RNF115: variants seen among roughly 807,000 people sequenced by gnomAD.
The protein encoded by RNF115 is E3 ubiquitin-protein ligase RNF115.
Under a neutral mutation model 39.2 loss-of-function variants are expected in RNF115, and 31 were observed. The observed-to-expected ratio is 0.79, with a 90% CI of 0.59 to 1.07. The LOEUF (loss-of-function observed/expected upper bound fraction) is 1.07. Ranked by LOEUF, RNF115 falls within the 50% of genes least tolerant of loss-of-function variation. The pLI is 0.00. For synonymous variants in RNF115, 124 were observed against 131.0 expected, an observed-to-expected ratio of 0.95 and a Z score of 0.37; for missense variants, 384 against 381.7, an observed-to-expected ratio of 1.01 and a Z score of -0.05.
intron 4 of RNF115, among the ~76,000 whole-genome samples, chr1:145,763,590 T>C (rs1423906879): frequency 1.3e-5 from 2 of 152,192 alleles, no homozygotes; most frequent in East Asian, 3.9e-4. Flanking sequence ...TCCCAGCTAC[T>C]TGGGAGGCTG....
At chr1:145,797,829 TA>T (rs1457114964) in intron 1 of RNF115, among the ~76,000 whole-genome samples, 6 of 152,222 alleles carry the variant, frequency 3.9e-5, no homozygotes, top group Admixed American at 3.9e-4. Flanking sequence ...TGTTTTTTAA[TA>T]GTAGCCATCC....
At chr1:145,772,232 G>C in intron 3 of RNF115, 1 of 200,988 alleles carries the variant, frequency 5.0e-6, no homozygotes, top group Non-Finnish European at 1.0e-5. Context: ...TTTAAAAAAA[G>C]TTTTTAACAA....
chr1:145,787,148 AT>A, intron 2 of RNF115: 2 of 578,574 alleles, frequency 3.5e-6, no homozygotes, highest in Admixed American at 2.4e-5. Flanking sequence ...CAGATTACAG[AT>A]TCTTTTTGAC....
chr1:145,740,224 T>C lies in RNF115; in HGVS notation c.*6642A>G, dbSNP rs1305426493. 1.3e-5 allele frequency: 2 copies of C among 152,196 alleles called. No homozygotes were observed. The highest frequency in any genetic ancestry group is 2.1e-4 in the South Asian group (1 of 4,826). The allele number at this position is 152,196 out of a possible 1,614,324, so 9.4% of individuals were successfully genotyped here. A position where few individuals can be genotyped will look rare whatever the true frequency, so the allele number is the denominator to read the frequency against. ...AAGTCTCAGAAGATATATCCAACTA[T>C]AGGAAAAGTTTCAGCCATTGTACTA... On this transcript the variant is annotated 3_prime_UTR_variant, in exon 9 of 9. Transcript: ENST00000582693.
chr1:145,748,118 A>G lies in RNF115; in HGVS notation c.668-8T>C. On this transcript the variant is annotated splice_region_variant and splice_polypyrimidine_tract_variant and intron_variant, in intron 7 of 8. Coordinates refer to ENST00000582693, the MANE Select transcript of RNF115 (RefSeq NM_014455.4). ...GACACTCTAAACCCATATCTGTTGAAGAAGGAAATGCCTTTTAAAGTAAAC... is the reference window on the plus strand; with the variant it reads ...GACACTCTAAACCCATATCTGTTGAGGAAGGAAATGCCTTTTAAAGTAAAC... 6.3e-7 allele frequency: 1 copy of G among 1,586,818 alleles called. No homozygotes were observed. Among genetic ancestry groups the G allele is most frequent in the Non-Finnish European group, 8.7e-7 (1 of 1,155,420 alleles).
intron 1 of RNF115, among the ~76,000 whole-genome samples, chr1:145,805,814 A>T (rs998958400): frequency 6.6e-6 from 1 of 152,142 alleles, no homozygotes; most frequent in African/African-American, 2.4e-5. Context: ...GAAAATGAAG[A>T]CCCTGAAAGG....
At chr1:145,777,925 G>A (rs1348921392) in intron 3 of RNF115, among the ~76,000 whole-genome samples, 3 of 152,004 alleles carry the variant, frequency 2.0e-5, no homozygotes, top group Non-Finnish European at 4.4e-5. Flanking sequence ...AAATATTATG[G>A]TCTGTTCCTC....
chr1:145,811,908 A>AAAT (rs1553722706), intron 1 of RNF115, among the ~76,000 whole-genome samples: 3 of 55,154 alleles, frequency 5.4e-5, no homozygotes, highest in Non-Finnish European at 1.1e-4. Context: ...AAAAAAAAAA[A>AAAT]ATATATATAT....
chr1:145,810,831 T>C (rs1470959096), intron 1 of RNF115, among the ~76,000 whole-genome samples: 1 of 146,458 alleles, frequency 6.8e-6, no homozygotes, highest in East Asian at 2.0e-4. Context: ...ACATTCTACG[T>C]ATAAGCACCA....
intron 1 of RNF115, 147 bp from the exon 2 acceptor site, chr1:145,789,113 T>TC: frequency 1.7e-6 from 1 of 580,670 alleles, no homozygotes; most frequent in Admixed American, 3.0e-5. Flanking sequence ...TTTTTTTTTT[T>TC]CTTTTGTGAG....
Position 145,745,275 on chromosome 1 carries a change from T to A in RNF115, c.*1591A>T, listed in dbSNP as rs1052618395. 2 of 152,148 alleles carry A rather than the reference T, an allele frequency of 1.3e-5. No homozygotes were observed. The highest frequency in any genetic ancestry group is 6.6e-5 in the Admixed American group (1 of 15,260). 9.4% of individuals were successfully genotyped at this position (152,148 alleles called of 1,614,324 possible). A position where few individuals can be genotyped will look rare whatever the true frequency, so the allele number is the denominator to read the frequency against. On this transcript the variant is annotated 3_prime_UTR_variant, in exon 9 of 9. Coordinates refer to ENST00000582693, the MANE Select transcript of RNF115 (RefSeq NM_014455.4). ...CAGCCTGGGCAACACGGCAAAACCCTATCTCTACAAAAATACAAAAATTAC... is the reference window on the plus strand; with the variant it reads ...CAGCCTGGGCAACACGGCAAAACCCAATCTCTACAAAAATACAAAAATTAC...
chr1:145,751,851 T>C (rs1235020549), intron 5 of RNF115, among the ~76,000 whole-genome samples: 1 of 152,174 alleles, frequency 6.6e-6, no homozygotes, highest in African/African-American at 2.4e-5. Context: ...TGGAGCTGCT[T>C]TTTAAGGAGA....
At chr1:145,800,934 G>A (rs1649207871) in intron 1 of RNF115, among the ~76,000 whole-genome samples, 1 of 152,042 alleles carries the variant, frequency 6.6e-6, no homozygotes, top group Non-Finnish European at 1.5e-5. Flanking sequence ...CTTTGGGAGG[G>A]CCAAGGCGGG....
chr1:145,803,958 T>A (rs1649357375), intron 1 of RNF115, among the ~76,000 whole-genome samples: 1 of 152,228 alleles, frequency 6.6e-6, no homozygotes, highest in African/African-American at 2.4e-5. Flanking sequence ...AGATTTATAG[T>A]GTTTTTGGCT....
intron 5 of RNF115, 31 bp from the exon 6 acceptor site, chr1:145,751,541 A>G: frequency 4.0e-6 from 6 of 1,517,332 alleles, no homozygotes; most frequent in Non-Finnish European, 5.4e-6. Context: ...ACAGCATTAG[A>G]TGGAGTGACC....
chr1:145,797,838 T>C (rs1649051537), intron 1 of RNF115, among the ~76,000 whole-genome samples: 1 of 152,204 alleles, frequency 6.6e-6, no homozygotes, highest in African/African-American at 2.4e-5. Flanking sequence ...ATAGTAGCCA[T>C]CCTAATGGAT....
rs782111520 is a variant in RNF115 at position 145,770,900 on chromosome 1, T to C, written c.428+811A>G. ...CCATACAAAAGACACTCAACAAACATTTATTACATGAATGTTTTTACAGTC... is the reference window on the plus strand; with the variant it reads ...CCATACAAAAGACACTCAACAAACACTTATTACATGAATGTTTTTACAGTC... On this transcript the variant is annotated intron_variant, in intron 4 of 8. Coordinates refer to ENST00000582693, the MANE Select transcript of RNF115 (RefSeq NM_014455.4). 3.3e-5 allele frequency among the ~76,000 whole-genome samples: 5 copies of C among 152,316 alleles called. No homozygotes were observed. In the South Asian group the frequency reaches 1.0e-3, roughly 32 times the overall value.
chr1:145,789,095 AGTTTTT>A (rs1648530479), intron 1 of RNF115, 129 bp from the exon 2 acceptor site: 1 of 611,886 alleles, frequency 1.6e-6, no homozygotes, highest in Non-Finnish European at 2.9e-6. Context: ...TGACTCAAGT[AGTTTTT>A]GTTTTTTTTT....
At chr1:145,780,739 A>G (rs1648106023) in intron 3 of RNF115, among the ~76,000 whole-genome samples, 1 of 152,152 alleles carries the variant, frequency 6.6e-6, no homozygotes, top group African/African-American at 2.4e-5. Flanking sequence ...AATACATATA[A>G]ATCAGCTCAG....
Sources: allele counts gnomAD v4.1 joint callset (sites outside exome capture counted in the v4.1 genomes callset), GRCh38; gene constraint gnomAD v4.1.1; transcripts MANE v1.5; gene names NCBI Gene and HGNC (gene_info 2026-07-23, HGNC 2026-07-21).